FAM153A: variants seen among roughly 807,000 people sequenced by gnomAD.
FAM153A encodes the protein protein FAM153A.
FAM153A carries 12 observed loss-of-function variants against 48.1 expected under a neutral mutation model. That is an observed-to-expected ratio of 0.25 (90% CI 0.16 to 0.40). The LOEUF (loss-of-function observed/expected upper bound fraction) is 0.40. Among genes scored for constraint, FAM153A ranks in the 10% least tolerant of loss-of-function variants. The pLI, the probability that FAM153A is intolerant of heterozygous loss-of-function variation, is 1.00. For missense variants in FAM153A, 111 were observed against 345.8 expected (o/e 0.32, Z 5.38); for synonymous variants, 36 against 118.2 (o/e 0.30, Z 4.51).
chr5:177,696,184 T>TGA, the FAM153A span, among the ~76,000 whole-genome samples: 6 of 87,274 alleles, frequency 6.9e-5, no homozygotes, highest in South Asian at 4.0e-4. Flanking sequence ...ACTTCCTAGA[T>TGA]GGGGCGGCCG....
At chr5:177,765,178 A>G (rs2127715141) in intron 1 of FAM153A, among the ~76,000 whole-genome samples, 1 of 99,152 alleles carries the variant, frequency 1.0e-5, no homozygotes, top group African/African-American at 4.0e-5. Context: ...ATGTGGGCTC[A>G]GGAGAACAGC....
downstream of FAM153A, among the ~76,000 whole-genome samples, chr5:177,709,043 C>G (rs570669823): frequency 1.1e-3 from 133 of 124,338 alleles, 1 homozygote; most frequent in African/African-American, 4.0e-3. Flanking sequence ...TGCAATGAGC[C>G]GAGACTGCGC....
chr5:177,762,694 T>C (rs2127713094), intron 1 of FAM153A, among the ~76,000 whole-genome samples: 1 of 142,050 alleles, frequency 7.0e-6, no homozygotes, highest in East Asian at 2.1e-4. Context: ...CTAGAGCAGA[T>C]TCCAGCCCAG....
At chr5:177,740,587 ATT>A (rs1241557746) in intron 8 of FAM153A, among the ~76,000 whole-genome samples, 188 bp downstream of exon 10, 2 of 111,234 alleles carry the variant, frequency 1.8e-5, no homozygotes, top group Admixed American at 9.6e-5. Context: ...TGTTCTCTGC[ATT>A]TTTTTTTTTT....
chr5:177,734,774 T>C, intron 13 of FAM153A, 89 bp downstream of exon 15: 1 of 1,610,492 alleles, frequency 6.2e-7, no homozygotes, highest in Non-Finnish European at 8.5e-7. Flanking sequence ...AAGATATATA[T>C]CTTCAGATTC....
At chr5:177,755,891 G>A (rs1430904396), upstream of FAM153A, among the ~76,000 whole-genome samples, 8 of 150,520 alleles carry the variant, frequency 5.3e-5, no homozygotes, top group South Asian at 1.5e-3. Context: ...ATGCCAAATT[G>A]TAAAGACCAT....
chr5:177,748,584 TA>T, intron 3 of FAM153A, 56 bp downstream of exon 5: 1 of 435,126 alleles, frequency 2.3e-6, no homozygotes, highest in Non-Finnish European at 3.8e-6. Flanking sequence ...TCAAATAAAA[TA>T]AAAAAGAACC....
chr5:177,754,277 C>T (rs1209854519), upstream of FAM153A, among the ~76,000 whole-genome samples: 7 of 151,894 alleles, frequency 4.6e-5, no homozygotes, highest in Admixed American at 6.5e-5. Context: ...AAGGCTGAAG[C>T]GAGGCTGGGG....
At chr5:177,755,489 A>T (rs1767634895), upstream of FAM153A, among the ~76,000 whole-genome samples, 1 of 151,726 alleles carries the variant, frequency 6.6e-6, no homozygotes, top group Admixed American at 6.6e-5. Flanking sequence ...AGAGAGTGCC[A>T]CAAACATACT....
At chr5:177,725,859 G>A (rs1388925131) in intron 18 of FAM153A, among the ~76,000 whole-genome samples, 2 of 151,966 alleles carry the variant, frequency 1.3e-5, no homozygotes, top group Non-Finnish European at 2.9e-5. Context: ...CAGCCACAGA[G>A]GGCCCTGAGC....
chr5:177,700,942 C>G, the FAM153A span, among the ~76,000 whole-genome samples: 1 of 151,940 alleles, frequency 6.6e-6, no homozygotes, highest in Admixed American at 6.5e-5. Flanking sequence ...CCACCTGAAT[C>G]TCAGGTCGAA....
downstream of FAM153A, among the ~76,000 whole-genome samples, chr5:177,706,388 G>C (rs1335766033): frequency 6.6e-6 from 1 of 151,094 alleles, no homozygotes; most frequent in Non-Finnish European, 1.5e-5. Flanking sequence ...TTTAGTAGAG[G>C]CAGGGTTTCA....
intron 2 of FAM153A, among the ~76,000 whole-genome samples, chr5:177,748,916 C>T: frequency 7.0e-6 from 1 of 142,410 alleles, no homozygotes; most frequent in African/African-American, 2.7e-5. Flanking sequence ...GGCTAAGCCC[C>T]CACACCACTG....
the FAM153A span, among the ~76,000 whole-genome samples, chr5:177,701,968 C>T: frequency 8.0e-4 from 121 of 150,964 alleles, 4 homozygotes; most frequent in Middle Eastern, 3.4e-3. Context: ...AGTGCAGTGG[C>T]GCAATCTCGG....
chr5:177,699,176 T>C, the FAM153A span, among the ~76,000 whole-genome samples: 7 of 151,754 alleles, frequency 4.6e-5, no homozygotes, highest in Non-Finnish European at 8.8e-5. Flanking sequence ...AAGTACCTTA[T>C]ATCCAATACT....
chr5:177,758,764 G>A (rs1387997451), intron 1 of FAM153A, among the ~76,000 whole-genome samples: 2 of 148,066 alleles, frequency 1.4e-5, no homozygotes, highest in African/African-American at 4.9e-5. Context: ...GGGAAAACTG[G>A]CTAGCCATAT....
chr5:177,709,597 G>A (rs1256588892), downstream of FAM153A, among the ~76,000 whole-genome samples: 23 of 147,548 alleles, frequency 1.6e-4, 1 homozygote, highest in African/African-American at 4.7e-4. Flanking sequence ...TCCTGACCTC[G>A]TGATTCACCC....
chr5:177,715,262 G>A (rs1340594746), intron 25 of FAM153A, among the ~76,000 whole-genome samples: 2 of 151,316 alleles, frequency 1.3e-5, no homozygotes, highest in Admixed American at 1.3e-4. Context: ...GATTACAGGC[G>A]TGAGCCACCG....
downstream of FAM153A, chr5:177,706,828 C>T (rs1696909): frequency 1.3e-5 from 2 of 151,570 alleles, no homozygotes; most frequent in Non-Finnish European, 2.9e-5. Context: ...GACATTTTGG[C>T]AAATGTGAAG....
Sources: allele counts gnomAD v4.1 joint callset (sites outside exome capture counted in the v4.1 genomes callset), GRCh38; gene constraint gnomAD v4.1.1; transcripts MANE v1.5; gene names NCBI Gene and HGNC (gene_info 2026-07-23, HGNC 2026-07-21).